MAN1A2: variants seen among roughly 807,000 people sequenced by gnomAD.
MAN1A2 encodes the protein mannosyl-oligosaccharide 1,2-alpha-mannosidase IB.
In MAN1A2, 26 loss-of-function variants were observed where a neutral mutation model predicts 75.7. The observed-to-expected ratio is 0.34, with a 90% CI of 0.25 to 0.48. MAN1A2 has a LOEUF of 0.48. Among genes scored for constraint, MAN1A2 ranks in the 20% least tolerant of loss-of-function variants. The pLI is 0.99. For synonymous variants in MAN1A2, 247 were observed against 264.6 expected (o/e 0.93, Z 0.65); for missense variants, 562 against 775.5 (o/e 0.72, Z 3.27).
At chr1:117,458,917 C>T (rs899266337) in intron 6 of MAN1A2, among the ~76,000 whole-genome samples, 16 of 152,090 alleles carry the variant, frequency 1.1e-4, no homozygotes, top group African/African-American at 3.9e-4. Context: ...AACTCTGCTG[C>T]TTGAATCATC....
chr1:117,474,560 A>T (rs991648162), intron 8 of MAN1A2, among the ~76,000 whole-genome samples: 36 of 151,214 alleles, frequency 2.4e-4, no homozygotes, highest in Non-Finnish European at 4.1e-4. Context: ...ATATAGATTT[A>T]AAAAATTTCA....
chr1:117,392,468 A>G (rs575368505), intron 1 of MAN1A2, among the ~76,000 whole-genome samples: 9 of 152,110 alleles, frequency 5.9e-5, no homozygotes, highest in East Asian at 1.9e-4. Context: ...TACCTTTTCT[A>G]TAGCTGTCCG....
intron 6 of MAN1A2, among the ~76,000 whole-genome samples, chr1:117,457,296 ACTCAGGTT>A (rs1404485448): frequency 3.3e-5 from 5 of 152,022 alleles, no homozygotes; most frequent in African/African-American, 1.2e-4. Flanking sequence ...ATTTTTTGTT[ACTCAGGTT>A]CTCTGAGTAT....
chr1:117,442,893 C>T (rs1040936844), intron 6 of MAN1A2, among the ~76,000 whole-genome samples: 6 of 152,050 alleles, frequency 3.9e-5, no homozygotes, highest in Admixed American at 3.9e-4. Flanking sequence ...GTTTTCTAAT[C>T]GAAAACATTG....
rs971014374 is a variant in MAN1A2 at position 117,526,916 on chromosome 1, T to G, written c.*3959T>G. The G allele has an allele frequency of 7.5e-6, 1 of 132,954 alleles. No homozygotes were observed. The highest frequency in any genetic ancestry group is 8.2e-5 in the Admixed American group (1 of 12,210). 8.2% of individuals were successfully genotyped at this position (132,954 alleles called of 1,614,324 possible). ...TATATATATATATATATATGAGAGA[T>G]ATATGAGATATATGAGAGATCAAGA... On this transcript the variant is annotated 3_prime_UTR_variant, in exon 13 of 13. Coordinates refer to ENST00000356554, the MANE Select transcript of MAN1A2 (RefSeq NM_006699.5).
intron 3 of MAN1A2, among the ~76,000 whole-genome samples, chr1:117,412,700 C>T (rs1187172943): frequency 2.0e-5 from 3 of 151,540 alleles, no homozygotes; most frequent in African/African-American, 7.3e-5. Context: ...CTTCTTTGAC[C>T]CAAGAATAGT....
At chr1:117,497,500 C>T (rs1406979368) in intron 10 of MAN1A2, among the ~76,000 whole-genome samples, 1 of 151,852 alleles carries the variant, frequency 6.6e-6, no homozygotes, top group Non-Finnish European at 1.5e-5. Flanking sequence ...TCTGACATTG[C>T]ACTGGGCAAA....
intron 6 of MAN1A2, among the ~76,000 whole-genome samples, chr1:117,460,009 C>G (rs903591515): frequency 2.7e-5 from 4 of 150,720 alleles, no homozygotes; most frequent in African/African-American, 9.8e-5. Context: ...TCATGTGCCT[C>G]TAGGGTGGGG....
intron 12 of MAN1A2, 147 bp downstream of exon 12, chr1:117,503,117 A>G (rs1651252199): frequency 3.8e-6 from 2 of 522,370 alleles, no homozygotes; most frequent in South Asian, 2.8e-5. Flanking sequence ...ATTTTTAGCT[A>G]CATCTCAAAA....
At chr1:117,411,073 C>T (rs1647801884) in intron 3 of MAN1A2, among the ~76,000 whole-genome samples, 1 of 151,532 alleles carries the variant, frequency 6.6e-6, no homozygotes. Context: ...AATGACTAGG[C>T]TTTTCTGTAG....
At chr1:117,381,061 A>G (rs1653318213) in intron 1 of MAN1A2, among the ~76,000 whole-genome samples, 2 of 152,182 alleles carry the variant, frequency 1.3e-5, no homozygotes, top group African/African-American at 4.8e-5. Flanking sequence ...TTCAGCATAC[A>G]AATGTTTTAC....
At chr1:117,489,807 A>G (rs1223291963) in intron 8 of MAN1A2, among the ~76,000 whole-genome samples, 1 of 152,102 alleles carries the variant, frequency 6.6e-6, no homozygotes, top group Non-Finnish European at 1.5e-5. Flanking sequence ...TATGAATATT[A>G]ATATGCTTTT....
chr1:117,422,871 G>A (rs1223061609), intron 5 of MAN1A2, among the ~76,000 whole-genome samples: 2 of 151,954 alleles, frequency 1.3e-5, no homozygotes, highest in African/African-American at 4.8e-5. Context: ...TGTCTTTCCA[G>A]TGATTTAACA....
At chr1:117,391,235 T>A (rs1046242312) in intron 1 of MAN1A2, among the ~76,000 whole-genome samples, 2 of 152,204 alleles carry the variant, frequency 1.3e-5, no homozygotes, top group African/African-American at 4.8e-5. Flanking sequence ...TCTGTATTGG[T>A]ACATGTTCCG....
chr1:117,429,448 T>A (rs1570736226), intron 5 of MAN1A2, among the ~76,000 whole-genome samples: 1 of 103,470 alleles, frequency 9.7e-6, no homozygotes, highest in Non-Finnish European at 2.0e-5. Context: ...CCCCCCCACC[T>A]CCCTCCCGGA....
At chr1:117,392,298 G>A (rs7517876) in intron 1 of MAN1A2, among the ~76,000 whole-genome samples, 39,056 of 149,692 alleles carry the variant, frequency 0.26, 5,682 homozygotes, top group East Asian at 0.47. Context: ...TGCTATCTTC[G>A]TCTAGAATGC....
intron 12 of MAN1A2, among the ~76,000 whole-genome samples, chr1:117,504,274 A>G (rs1306627270): frequency 2.7e-5 from 4 of 150,620 alleles, no homozygotes; most frequent in African/African-American, 4.9e-5. Context: ...ACATGTCTGT[A>G]AACTATGGAA....
In MAN1A2 at chr1:117,473,475, G is replaced by T. The variant is rs553043013; in HGVS notation, c.1168+7048G>T. Among the ~76,000 whole-genome samples, 3 of 152,056 alleles carry T rather than the reference G, an allele frequency of 2.0e-5. No individual in the cohort carries two copies. The South Asian group carries it at 6.2e-4, about 32-fold the overall frequency. On this transcript the variant is annotated intron_variant, in intron 8 of 12. Coordinates refer to ENST00000356554, the MANE Select transcript of MAN1A2 (RefSeq NM_006699.5). ...TTTTTTACAAAGTAAGTCACATTAT[G>T]CCATTTTATTTAACTCTTCATTACT...
chr1:117,520,333 AAAAG>A (rs1445831403), intron 12 of MAN1A2, among the ~76,000 whole-genome samples: 2 of 152,108 alleles, frequency 1.3e-5, no homozygotes, highest in South Asian at 2.1e-4. Flanking sequence ...GCAATCAGGC[AAAAG>A]AAAGAAAGGG....
Sources: allele counts gnomAD v4.1 joint callset (sites outside exome capture counted in the v4.1 genomes callset), GRCh38; gene constraint gnomAD v4.1.1; transcripts MANE v1.5; gene names NCBI Gene and HGNC (gene_info 2026-07-23, HGNC 2026-07-21).